KLF8: variants seen among roughly 807,000 people sequenced by gnomAD.
KLF8 encodes Krueppel-like factor 8.
In KLF8, 10 loss-of-function variants were observed where a neutral mutation model predicts 18.2. That is an observed-to-expected ratio of 0.55 (90% CI 0.34 to 0.93). The LOEUF is 0.93. KLF8 is among the 40% of genes least tolerant of loss of function. KLF8 has a pLI of 0.02. For synonymous variants in KLF8, 109 were observed against 97.3 expected (o/e 1.12, Z -0.71); for missense variants, 264 against 277.9 (o/e 0.95, Z 0.36).
the KLF8 span, among the ~76,000 whole-genome samples, chrX:56,125,647 C>A: frequency 1.8e-5 from 2 of 112,246 alleles, no homozygotes; most frequent in African/African-American, 6.5e-5. Flanking sequence ...TAAGTAAGTA[C>A]CTTTTCTCCT....
the KLF8 span, among the ~76,000 whole-genome samples, chrX:56,212,544 T>C: frequency 8.9e-6 from 1 of 111,939 alleles, no homozygotes; most frequent in Non-Finnish European, 1.9e-5. Context: ...ATGCTCCTCC[T>C]GTGTATGGGT....
At chrX:55,938,984 G>A in the KLF8 span, among the ~76,000 whole-genome samples, 1 of 111,456 alleles carries the variant, frequency 9.0e-6, no homozygotes, top group Non-Finnish European at 1.9e-5. Context: ...AAAGTGAACA[G>A]GGATGTCTAG....
At chrX:56,081,954 G>T in the KLF8 span, among the ~76,000 whole-genome samples, 1 of 111,565 alleles carries the variant, frequency 9.0e-6, no homozygotes, top group African/African-American at 3.2e-5. Flanking sequence ...TTGAGGGTAA[G>T]TCTGGCCTCA....
At position 56,288,052 on chromosome X, in the gene KLF8, A is replaced by T. The variant is rs1466145249; in HGVS notation, c.*3558A>T. On this transcript the variant is annotated 3_prime_UTR_variant, in exon 6 of 6. Coordinates refer to ENST00000468660, the MANE Select transcript of KLF8 (RefSeq NM_007250.5). ...GGAGTTCGAGACCAACCTGGACAAC[A>T]TGGTGAAACCACGTCTCTATTAAAA... is the stretch of plus-strand genomic sequence containing the variant. Among the ~76,000 whole-genome samples the T allele has an allele frequency of 9.0e-6, 1 of 111,013 alleles. No homozygotes were observed. The highest frequency in any genetic ancestry group is 9.6e-5 in the Admixed American group (1 of 10,388).
chrX:56,261,750 T>C (rs2066885648), intron 2 of KLF8, among the ~76,000 whole-genome samples: 2 of 111,550 alleles, frequency 1.8e-5, no homozygotes, highest in Non-Finnish European at 1.9e-5. Context: ...AGTTAGACTG[T>C]ATAACAATAT....
the KLF8 span, among the ~76,000 whole-genome samples, chrX:56,145,533 CAA>C: frequency 2.7e-5 from 3 of 111,872 alleles, no homozygotes; most frequent in Non-Finnish European, 3.8e-5. Flanking sequence ...TCGCAATAAC[CAA>C]AAAGTAGAAC....
the KLF8 span, among the ~76,000 whole-genome samples, chrX:56,164,729 C>CTTTTTTT: frequency 1.9e-5 from 1 of 51,917 alleles, no homozygotes. Context: ...CTTGTTATCT[C>CTTTTTTT]TTTTTTTTTT....
the KLF8 span, among the ~76,000 whole-genome samples, chrX:56,165,851 C>T: frequency 2.8e-3 from 296 of 104,704 alleles, no homozygotes; most frequent in African/African-American, 0.01. Flanking sequence ...ACAGAGAGAC[C>T]CTGTCTCAAA....
the KLF8 span, among the ~76,000 whole-genome samples, chrX:56,195,393 C>T: frequency 8.9e-6 from 1 of 111,920 alleles, no homozygotes. Context: ...CCGTAGATGA[C>T]CTAATGGAGC....
the KLF8 span, among the ~76,000 whole-genome samples, chrX:56,022,548 G>T: frequency 4.1e-5 from 3 of 73,050 alleles, no homozygotes; most frequent in African/African-American, 1.9e-4. Context: ...GACTCTGTCT[G>T]ACCAAAAAAA....
the KLF8 span, among the ~76,000 whole-genome samples, chrX:55,999,558 T>C: frequency 9.1e-6 from 1 of 109,569 alleles, no homozygotes. Context: ...TTACCTTCTT[T>C]GTTAAGTATA....
the KLF8 span, among the ~76,000 whole-genome samples, chrX:56,092,493 A>G: frequency 9.0e-6 from 1 of 111,128 alleles, no homozygotes; most frequent in African/African-American, 3.3e-5. Flanking sequence ...GTCTAGTTTC[A>G]TTGTTATGCA....
At chrX:56,272,304 G>T (rs1195354754) in intron 5 of KLF8, among the ~76,000 whole-genome samples, 1 of 110,528 alleles carries the variant, frequency 9.0e-6, no homozygotes, top group Non-Finnish European at 1.9e-5. Context: ...TCTGCCTCCT[G>T]GGTTCAAGCG....
the KLF8 span, among the ~76,000 whole-genome samples, chrX:56,037,775 G>C: frequency 9.0e-6 from 1 of 111,152 alleles, no homozygotes; most frequent in Admixed American, 9.6e-5. Flanking sequence ...AAGGAGAATG[G>C]AGTATCCATC....
In KLF8 at chrX:56,265,745, G is replaced by A. The variant is rs1315050064; in HGVS notation, c.646+1G>A. ...GGAGATGGTAAAAATGCTGGATCAG[G>A]TAAGTAACAATATTGCCTCTTTCCT... On this transcript the variant is annotated splice_donor_variant, in intron 3 of 5. Transcript: ENST00000468660. LOFTEE classifies it high-confidence loss of function. 1 of 1,194,145 alleles carries A rather than the reference G, an allele frequency of 8.4e-7. No individual in the cohort carries two copies. The highest frequency in any genetic ancestry group is 1.1e-6 in the Non-Finnish European group (1 of 889,250).
At chrX:56,191,393 A>G in the KLF8 span, among the ~76,000 whole-genome samples, 3 of 111,780 alleles carry the variant, frequency 2.7e-5, no homozygotes, top group African/African-American at 9.7e-5. Flanking sequence ...AAGAAGAACA[A>G]ATACCACTCC....
the KLF8 span, among the ~76,000 whole-genome samples, chrX:56,179,874 C>T: frequency 5.4e-5 from 6 of 111,864 alleles, no homozygotes; most frequent in East Asian, 8.4e-4. Flanking sequence ...TTTTGATGTG[C>T]TTCTGGATTC....
At chrX:56,027,507 G>C in the KLF8 span, among the ~76,000 whole-genome samples, 26 of 112,554 alleles carry the variant, frequency 2.3e-4, no homozygotes, top group Non-Finnish European at 4.3e-4. Flanking sequence ...TCGAGAGTCA[G>C]TATAAATGTT....
chrX:56,276,577 C>G (rs1198643773), intron 5 of KLF8, among the ~76,000 whole-genome samples: 1 of 111,685 alleles, frequency 9.0e-6, no homozygotes, highest in Non-Finnish European at 1.9e-5. Flanking sequence ...TCATGCCACT[C>G]TCTACTGGCC....
Sources: allele counts gnomAD v4.1 joint callset (sites outside exome capture counted in the v4.1 genomes callset), GRCh38; gene constraint gnomAD v4.1.1; transcripts MANE v1.5; gene names NCBI Gene and HGNC (gene_info 2026-07-23, HGNC 2026-07-21).